The following MPV17 variants were observed in gnomAD, a reference collection of about 807,000 sequenced individuals.
MPV17 encodes the protein mitochondrial inner membrane protein MPV17.
A neutral mutation model predicts 28.6 loss-of-function variants in MPV17; 31 were observed. The observed-to-expected ratio is 1.08, with a 90% CI of 0.81 to 1.46. The LOEUF is 1.46. Ranked by LOEUF, MPV17 falls within the 40% of genes most tolerant of loss-of-function variation. The pLI, the probability that MPV17 is intolerant of heterozygous loss-of-function variation, is 0.00. For synonymous variants in MPV17, 87 were observed against 85.3 expected (o/e 1.02, Z -0.11); for missense variants, 198 against 216.2 (o/e 0.92, Z 0.53).
chr2:27,311,700 T>G (rs1371196509), intron 7 of MPV17, 199 bp downstream of exon 7: 1 of 1,551,244 alleles, frequency 6.4e-7, no homozygotes, highest in South Asian at 1.2e-5. Context: ...AGAAGGTCAG[T>G]GGGCAGACAC....
rs112380650 is a variant in MPV17 at position 27,320,212 on chromosome 2, G to A, written c.70+2236C>T. ...AGATCACGCCACCGCACTCCAGCCC[G>A]GGCAACAGTGCAAGACTCCATCTCG... On this transcript the variant is annotated intron_variant, in intron 2 of 7. Transcript: ENST00000380044. Among the ~76,000 whole-genome samples, 117 of 151,084 alleles carry A rather than the reference G, an allele frequency of 7.7e-4. 1 individual carries two copies. Among genetic ancestry groups the A allele is most frequent in the African/African-American group, 2.6e-3 (109 of 41,226 alleles).
intron 2 of MPV17, chr2:27,322,170 G>T: frequency 1.9e-6 from 1 of 540,176 alleles, no homozygotes; most frequent in Non-Finnish European, 3.3e-6. Context: ...GAGGCCTCCT[G>T]GGGCAATGCC....
Position 27,313,122 on chromosome 2 carries a change from C to A in MPV17, c.71-13G>T. ...CCCATCAGGGACCCTATGCAGGGTA[C>A]ACAGGTGTTGTCAGGACATCTCCTG... is the stretch of plus-strand genomic sequence containing the variant. On this transcript the variant is annotated splice_polypyrimidine_tract_variant and intron_variant, in intron 2 of 7. Coordinates refer to ENST00000380044, the MANE Select transcript of MPV17 (RefSeq NM_002437.5). The A allele has an allele frequency of 6.2e-7, 1 of 1,614,182 alleles. No homozygotes were observed. The highest frequency in any genetic ancestry group is 1.1e-5 in the South Asian group (1 of 91,084).
Position 27,309,600 on chromosome 2 carries a change from A to G in MPV17, c.*312T>C. 1.7e-6 allele frequency: 1 copy of G among 574,574 alleles called. No homozygotes were observed. 35.6% of individuals were successfully genotyped at this position (574,574 alleles called of 1,614,324 possible). ...AAGCCTAGGCAGGGTTAGAGTAACA[A>G]ATGTGTCTATGAAGAGTGGGGATGA... On this transcript the variant is annotated 3_prime_UTR_variant, in exon 8 of 8. Coordinates refer to ENST00000380044, the MANE Select transcript of MPV17 (RefSeq NM_002437.5).
chr2:27,312,606 A>G lies in MPV17; in HGVS notation c.280-17T>C. ...AAAGCCCCCCTAGGGAAGAGAAATT[A>G]AAGTCCTATGAGTGCTGAAATCCCC... On this transcript the variant is annotated splice_polypyrimidine_tract_variant and intron_variant, in intron 4 of 7. Transcript: ENST00000380044. 1 of 1,613,956 alleles carries G rather than the reference A, an allele frequency of 6.2e-7. No homozygotes were observed. Among genetic ancestry groups the G allele is most frequent in the Admixed American group, 1.7e-5 (1 of 60,024 alleles).
intron 2 of MPV17, among the ~76,000 whole-genome samples, chr2:27,319,577 C>T (rs1679778587): frequency 6.7e-6 from 1 of 149,638 alleles, no homozygotes; most frequent in African/African-American, 2.5e-5. Context: ...CCTGTGTTGC[C>T]AACACTCATA....
At chr2:27,319,857 C>A (rs760687789) in intron 2 of MPV17, among the ~76,000 whole-genome samples, 3 of 148,242 alleles carry the variant, frequency 2.0e-5, no homozygotes, top group Non-Finnish European at 4.4e-5. Context: ...ACCCAGGAGG[C>A]GGAGGTTGCA....
chr2:27,319,850 C>A (rs1679787556), intron 2 of MPV17, among the ~76,000 whole-genome samples: 1 of 150,654 alleles, frequency 6.6e-6, no homozygotes, highest in African/African-American at 2.4e-5. Context: ...TGCTTGAACC[C>A]AGGAGGCGGA....
At chr2:27,315,015 C>T (rs889093838) in intron 2 of MPV17, among the ~76,000 whole-genome samples, 3 of 152,216 alleles carry the variant, frequency 2.0e-5, no homozygotes, top group African/African-American at 7.2e-5. Flanking sequence ...TGGGCACCCC[C>T]AGTCCTGCCT....
intron 5 of MPV17, 72 bp downstream of exon 5, chr2:27,312,422 G>T: frequency 1.3e-6 from 2 of 1,544,894 alleles, no homozygotes; most frequent in South Asian, 1.1e-5. Flanking sequence ...TTTTATCCCT[G>T]TAAAACCTGT....
chr2:27,322,570 G>T, intron 1 of MPV17, 48 bp from the exon 2 acceptor site: 1 of 1,501,826 alleles, frequency 6.7e-7, no homozygotes, highest in Non-Finnish European at 9.3e-7. Context: ...CCCTCTCCAC[G>T]ACTAAGAAGC....
In MPV17 at chr2:27,309,963, A is replaced by G. The variant is rs1679366740; in HGVS notation, c.480T>C (p.Cys160=). 2 of 1,614,054 alleles carry G rather than the reference A, an allele frequency of 1.2e-6. No individual in the cohort carries two copies. Among genetic ancestry groups the G allele is most frequent in the South Asian group, 2.2e-5 (2 of 91,070 alleles). ...GGTAGGAGTTCCAGATAACAGCAAC[A>G]CATTGGACAACGGCCAACCTAAGGA... ...PLHYRLAVVQ[C]VAVIWNSYLS... Residue 160 remains cysteine, a synonymous_variant, in exon 8 of 8, where the codon TGT becomes TGC. Coordinates refer to ENST00000380044, the MANE Select transcript of MPV17 (RefSeq NM_002437.5).
chr2:27,315,809 G>A (rs751745554), intron 2 of MPV17: 15 of 955,096 alleles, frequency 1.6e-5, no homozygotes, highest in East Asian at 4.9e-5. Flanking sequence ...TGATCCACCT[G>A]CCTTGGCCGC....
chr2:27,314,735 T>C (rs1679586744), intron 2 of MPV17, among the ~76,000 whole-genome samples: 1 of 152,184 alleles, frequency 6.6e-6, no homozygotes, highest in Non-Finnish European at 1.5e-5. Context: ...CACCGAGTAA[T>C]GAGAGCCCCC....
chr2:27,309,663 G>A lies in MPV17; in HGVS notation c.*249C>T, dbSNP rs1679351524. 4.9e-6 allele frequency: 3 copies of A among 613,614 alleles called. No individual in the cohort carries two copies. Among genetic ancestry groups the A allele is most frequent in the Admixed American group, 2.7e-5 (1 of 37,248 alleles). 38.0% of individuals were successfully genotyped at this position (613,614 alleles called of 1,614,324 possible). ...GGGATATGGGTGTAAAGTTGATAAG[G>A]TCATGAAGGTTCAACAGATATTTAT... is the stretch of plus-strand genomic sequence containing the variant. On this transcript the variant is annotated 3_prime_UTR_variant, in exon 8 of 8. Transcript: ENST00000380044.
At position 27,312,516 on chromosome 2, in the gene MPV17, T is replaced by C. The variant is rs1446216553; in HGVS notation, c.353A>G (p.Asp118Gly). The C allele has an allele frequency of 1.9e-6, 3 of 1,614,020 alleles. No individual in the cohort carries two copies. The highest frequency in any genetic ancestry group is 1.7e-5 in the Admixed American group (1 of 60,002). The change falls in exon 5 of 8, where the codon GAC becomes GGC. Residue 118 changes from aspartate to glycine, a missense_variant. Transcript: ENST00000380044. ...CACCCGCTGTAGTTTGGCCCAGTTG[T>C]CCTGGGCTGACAGTCCATTAAGTGC... ...VGALNGLSAQDNWAKLQRDYP... is the reference protein window; with the variant it reads ...VGALNGLSAQGNWAKLQRDYP...
intron 3 of MPV17, 38 bp downstream of exon 3, chr2:27,312,956 G>A (rs767496013): frequency 1.2e-5 from 20 of 1,607,608 alleles, no homozygotes; most frequent in Non-Finnish European, 1.6e-5. Flanking sequence ...TAAGACCACT[G>A]TTGAGTCCAC....
intron 7 of MPV17, 110 bp from the exon 8 acceptor site, chr2:27,310,091 G>T: frequency 1.2e-6 from 1 of 864,400 alleles, no homozygotes; most frequent in South Asian, 1.4e-5. Flanking sequence ...GGATTGGCAG[G>T]TTTAGGTCTC....
At chr2:27,313,334 C>A (rs1679532501) in intron 2 of MPV17, 1 of 973,392 alleles carries the variant, frequency 1.0e-6, no homozygotes, top group East Asian at 2.6e-5. Flanking sequence ...TGAGCAGACC[C>A]AGGTCCAGGA....
Sources: gnomAD v4.1 joint callset for allele counts (sites outside exome capture counted in the v4.1 genomes callset) on GRCh38, gnomAD v4.1.1 for gene constraint, MANE v1.5 for transcripts, NCBI Gene and HGNC (gene_info 2026-07-23, HGNC 2026-07-21) for gene names.